Variants in ATP10B observed in about 807,000 individuals in gnomAD.
ATP10B encodes the protein phospholipid-transporting ATPase VB.
In ATP10B, 122 loss-of-function variants were observed where a neutral mutation model predicts 141.2. That is an observed-to-expected ratio of 0.86 (90% CI 0.75 to 1.00). The LOEUF is 1.00. Ranked by LOEUF, ATP10B falls within the 50% of genes least tolerant of loss-of-function variation. The pLI is 0.00. For missense variants in ATP10B, 1,876 were observed against 1,825.3 expected (o/e 1.03, Z -0.51); for synonymous variants, 685 against 692.0 (o/e 0.99, Z 0.16).
intron 1 of ATP10B, among the ~76,000 whole-genome samples, chr5:160,842,017 G>A (rs915577445): frequency 2.6e-5 from 4 of 152,102 alleles, no homozygotes; most frequent in Non-Finnish European, 4.4e-5. Context: ...GAGCCATCGC[G>A]CCCGGCCTAC....
At chr5:160,703,835 G>A (rs979542460) in intron 3 of ATP10B, among the ~76,000 whole-genome samples, 5 of 152,144 alleles carry the variant, frequency 3.3e-5, no homozygotes, top group Non-Finnish European at 5.9e-5. Flanking sequence ...TATTTCTTAA[G>A]TAATAAGACT....
Position 160,649,392 on chromosome 5 carries a change from T to C in ATP10B, c.676-136A>G, listed in dbSNP as rs999024215. 1.1e-4 allele frequency: 69 copies of C among 647,008 alleles called. No individual in the cohort carries two copies. The African/African-American group carries it at 1.2e-3, about 11-fold the overall frequency. The allele number at this position is 647,008 out of a possible 1,614,324, so 40.1% of individuals were successfully genotyped here. ...CTTTGTCACACTTTGATAGTTGTAA[T>C]GTGTCAGAAAAAAAAGTTAAGTCCT... On this transcript the variant is annotated intron_variant, in intron 7 of 25. Transcript: ENST00000327245.
chr5:160,865,723 G>GA, the ATP10B span, among the ~76,000 whole-genome samples: 4 of 151,186 alleles, frequency 2.6e-5, no homozygotes, highest in Non-Finnish European at 4.4e-5. Context: ...AAATCAGCAA[G>GA]AAAAAAAATA....
At chr5:160,767,696 T>G (rs1769581704) in intron 2 of ATP10B, among the ~76,000 whole-genome samples, 1 of 142,468 alleles carries the variant, frequency 7.0e-6, no homozygotes, top group Non-Finnish European at 1.5e-5. Context: ...TATTTGAACT[T>G]TAATTATTTC....
the ATP10B span, among the ~76,000 whole-genome samples, chr5:160,879,526 TAAAGTA>T: frequency 2.6e-4 from 36 of 138,166 alleles, no homozygotes; most frequent in African/African-American, 6.8e-4. Context: ...CCCTAAAACT[TAAAGTA>T]AAATTAAAAA....
chr5:160,889,688 T>TG, the ATP10B span, among the ~76,000 whole-genome samples: 1 of 152,068 alleles, frequency 6.6e-6, no homozygotes, highest in Non-Finnish European at 1.5e-5. Flanking sequence ...GAATGGAAAA[T>TG]GCAGGGCAGG....
chr5:160,911,601 A>T, the ATP10B span, among the ~76,000 whole-genome samples: 2 of 152,184 alleles, frequency 1.3e-5, no homozygotes, highest in Non-Finnish European at 2.9e-5. Context: ...CTTTACCCCA[A>T]GCATGTGTGA....
chr5:160,704,070 A>T (rs1301333439), intron 3 of ATP10B, among the ~76,000 whole-genome samples: 1 of 151,768 alleles, frequency 6.6e-6, no homozygotes, highest in East Asian at 1.9e-4. Context: ...GCAGTCTTAA[A>T]CTCCTGGGCA....
intron 2 of ATP10B, among the ~76,000 whole-genome samples, chr5:160,732,748 T>G (rs996014336): frequency 6.6e-6 from 1 of 152,210 alleles, no homozygotes; most frequent in Non-Finnish European, 1.5e-5. Flanking sequence ...CTAGCTGTAT[T>G]CATTTTGCTC....
At chr5:160,692,210 A>C (rs948971517) in intron 3 of ATP10B, among the ~76,000 whole-genome samples, 1 of 152,228 alleles carries the variant, frequency 6.6e-6, no homozygotes, top group Non-Finnish European at 1.5e-5. Flanking sequence ...TTAAAAGTAA[A>C]GCAGATATAA....
At chr5:160,652,953 T>TTATATATACATGTATATATAA (rs1433412418) in intron 7 of ATP10B, among the ~76,000 whole-genome samples, 4 of 86,618 alleles carry the variant, frequency 4.6e-5, no homozygotes, top group South Asian at 3.2e-4. Flanking sequence ...ATATAATATA[T>TTATATATACATGTATATATAA]TATATATACA....
chr5:160,880,279 A>G, the ATP10B span, among the ~76,000 whole-genome samples: 3 of 147,548 alleles, frequency 2.0e-5, no homozygotes, highest in South Asian at 6.3e-4. Context: ...ATATAAAAGA[A>G]ACTATGATGA....
At chr5:160,914,459 A>G in the ATP10B span, among the ~76,000 whole-genome samples, 1 of 152,208 alleles carries the variant, frequency 6.6e-6, no homozygotes. Context: ...AATATAACCT[A>G]TCTATATCCT....
intron 2 of ATP10B, among the ~76,000 whole-genome samples, chr5:160,773,463 G>A (rs1051166571): frequency 6.6e-6 from 1 of 152,102 alleles, no homozygotes; most frequent in East Asian, 1.9e-4. Context: ...TGGTTTCTGG[G>A]GTAATTTCCA....
At chr5:160,653,598 C>CATATATACATATATATT (rs1561705053) in intron 7 of ATP10B, among the ~76,000 whole-genome samples, 83 of 83,750 alleles carry the variant, frequency 9.9e-4, no homozygotes, top group African/African-American at 4.4e-3. Context: ...TACATATATA[C>CATATATACATATATATT]ATATATACAT....
intron 22 of ATP10B, among the ~76,000 whole-genome samples, chr5:160,598,202 C>G (rs1490555589): frequency 6.6e-6 from 1 of 151,838 alleles, no homozygotes; most frequent in Non-Finnish European, 1.5e-5. Flanking sequence ...GAATACTATG[C>G]AGCCATAAAA....
rs1581616917 is a variant in ATP10B, at chr5:160,829,738, C to A, written c.-576+22203G>T. On this transcript the variant is annotated intron_variant, in intron 1 of 25. Transcript: ENST00000327245. The stretch of plus-strand genomic sequence containing the variant: ...GTGGTATTTTAAATGCAATCATATT[C>A]TTCGACTCTTAGCCTAGATGTTATT... 2.6e-5 allele frequency among the ~76,000 whole-genome samples: 4 copies of A among 152,072 alleles called. No individual in the cohort carries two copies. In the East Asian group the frequency reaches 7.7e-4, roughly 29 times the overall value.
intron 1 of ATP10B, among the ~76,000 whole-genome samples, chr5:160,839,561 G>A (rs1484135538): frequency 6.6e-6 from 1 of 151,960 alleles, no homozygotes; most frequent in African/African-American, 2.4e-5. Context: ...AAAAGCAAAG[G>A]AACATCAGAT....
intron 2 of ATP10B, among the ~76,000 whole-genome samples, chr5:160,756,940 A>G (rs1267255626): frequency 6.6e-6 from 1 of 152,076 alleles, no homozygotes; most frequent in Middle Eastern, 3.2e-3. Context: ...TTAATTGCAA[A>G]GTTTTGATTT....
Sources: allele counts gnomAD v4.1 joint callset (sites outside exome capture counted in the v4.1 genomes callset), GRCh38; gene constraint gnomAD v4.1.1; transcripts MANE v1.5; gene names NCBI Gene and HGNC (gene_info 2026-07-23, HGNC 2026-07-21).